The following HOMER2 variants were observed in gnomAD, a reference collection of about 807,000 sequenced individuals.
The protein encoded by HOMER2 is homer protein homolog 2.
HOMER2 carries 27 observed loss-of-function variants against 47.0 expected under a neutral mutation model. The observed-to-expected ratio is 0.57, with a 90% CI of 0.42 to 0.79. The LOEUF (loss-of-function observed/expected upper bound fraction) is 0.79. Ranked by LOEUF, HOMER2 falls within the 30% of genes least tolerant of loss-of-function variation. HOMER2 has a pLI of 0.00. For synonymous variants in HOMER2, 161 were observed against 163.8 expected, an observed-to-expected ratio of 0.98 and a Z score of 0.13; for missense variants, 443 against 435.0, an observed-to-expected ratio of 1.02 and a Z score of -0.16.
intron 5 of HOMER2, among the ~76,000 whole-genome samples, chr15:82,856,149 T>C (rs531751300): frequency 1.3e-5 from 2 of 152,374 alleles, no homozygotes; most frequent in East Asian, 3.8e-4. Context: ...AAAATGTTAT[T>C]ATCTGGTGAA....
intron 2 of HOMER2, among the ~76,000 whole-genome samples, chr15:82,880,805 G>T (rs1465405516): frequency 6.6e-6 from 1 of 152,156 alleles, no homozygotes; most frequent in Non-Finnish European, 1.5e-5. Context: ...AAGAAAAGAA[G>T]AGAGGCCCAG....
exon 2 of HOMER2, chr15:82,843,796 T>C (rs2051203754): frequency 6.6e-6 from 1 of 152,180 alleles, no homozygotes; most frequent in South Asian, 2.1e-4. Flanking sequence ...ATTGGGTCTG[T>C]CTTTCTGGAA....
exon 2 of HOMER2, chr15:82,837,872 T>G (rs1475542719): frequency 2.0e-5 from 3 of 152,188 alleles, no homozygotes; most frequent in Non-Finnish European, 4.4e-5. Context: ...ATTTGCTAAA[T>G]GAAAACATGA....
intron 1 of HOMER2, among the ~76,000 whole-genome samples, chr15:82,946,597 G>A (rs2054387454): frequency 6.6e-6 from 1 of 152,082 alleles, no homozygotes; most frequent in Admixed American, 6.6e-5. Context: ...TCTCAGTGAA[G>A]TCTTCTAACT....
chr15:82,946,446 C>G (rs2054384098), intron 1 of HOMER2, among the ~76,000 whole-genome samples: 1 of 152,186 alleles, frequency 6.6e-6, no homozygotes, highest in African/African-American at 2.4e-5. Context: ...AGCTTCCTTA[C>G]TATTTCTTGA....
intron 1 of HOMER2, among the ~76,000 whole-genome samples, chr15:82,947,942 T>C (rs2054418398): frequency 6.6e-6 from 1 of 152,172 alleles, no homozygotes; most frequent in Non-Finnish European, 1.5e-5. Context: ...CCTGCATGCT[T>C]ACTGGCATGC....
downstream of HOMER2, chr15:82,845,531 T>C (rs1321470372): frequency 1.3e-5 from 2 of 152,214 alleles, no homozygotes; most frequent in Non-Finnish European, 2.9e-5. Flanking sequence ...AAAGCATGCA[T>C]ATCTTTAAAA....
At chr15:82,850,974 C>T (rs903466696) in intron 8 of HOMER2, among the ~76,000 whole-genome samples, 177 bp downstream of exon 8, 29 of 152,364 alleles carry the variant, frequency 1.9e-4, no homozygotes, top group African/African-American at 5.5e-4. Context: ...GAGTCTGCCC[C>T]GGGGGCAGGG....
At chr15:82,892,634 G>A (rs2052749448) in intron 2 of HOMER2, 51 bp downstream of exon 2, 7 of 1,397,234 alleles carry the variant, frequency 5.0e-6, no homozygotes, top group Non-Finnish European at 6.7e-6. Context: ...GGTGCATCTT[G>A]GATGAAAGAT....
intron 1 of HOMER2, among the ~76,000 whole-genome samples, chr15:82,905,794 C>A (rs181655704): frequency 3.3e-5 from 5 of 152,146 alleles, no homozygotes; most frequent in Admixed American, 2.6e-4. Context: ...TGCCAATAGA[C>A]CTGCCTTACA....
chr15:82,903,211 G>A (rs757534110), intron 1 of HOMER2, among the ~76,000 whole-genome samples: 2 of 152,178 alleles, frequency 1.3e-5, no homozygotes, highest in Non-Finnish European at 2.9e-5. Flanking sequence ...GCCTAGAGCG[G>A]TAGGGACCGA....
chr15:82,870,317 G>C (rs1189212177), intron 3 of HOMER2, among the ~76,000 whole-genome samples: 1 of 152,116 alleles, frequency 6.6e-6, no homozygotes, highest in East Asian at 1.9e-4. Flanking sequence ...AATGGGCTAG[G>C]GACCCAGCAT....
At chr15:82,935,239 C>A (rs529003377) in intron 1 of HOMER2, among the ~76,000 whole-genome samples, 1 of 152,314 alleles carries the variant, frequency 6.6e-6, no homozygotes, top group East Asian at 1.9e-4. Context: ...CCCTGCTCCC[C>A]AGCCTCGCAC....
At chr15:82,864,811 C>T (rs2051912922) in intron 3 of HOMER2, among the ~76,000 whole-genome samples, 1 of 152,216 alleles carries the variant, frequency 6.6e-6, no homozygotes, top group African/African-American at 2.4e-5. Context: ...AACAGTTCTT[C>T]AAGTCCTGGG....
intron 2 of HOMER2, among the ~76,000 whole-genome samples, chr15:82,881,536 C>A (rs575629225): frequency 6.6e-6 from 1 of 152,120 alleles, no homozygotes; most frequent in Non-Finnish European, 1.5e-5. Context: ...TCACAGACAG[C>A]GAAGAAAAGA....
rs773800705 is a variant in HOMER2, at chr15:82,852,259, T to C, written c.652-7A>G. 3.7e-6 allele frequency: 6 copies of C among 1,601,348 alleles called. No homozygotes were observed. In the African/African-American group the frequency reaches 8.0e-5, roughly 21 times the overall value. ...GTTCTTCCAGCTCATCAATCTTCAA[T>C]ACACACCACACAGGAAAGCAGGGAC... On this transcript the variant is annotated splice_region_variant and splice_polypyrimidine_tract_variant and intron_variant, in intron 6 of 8. Transcript: ENST00000450735.
At chr15:82,907,615 G>A (rs2053326931) in intron 1 of HOMER2, among the ~76,000 whole-genome samples, 3 of 152,128 alleles carry the variant, frequency 2.0e-5, no homozygotes, top group Non-Finnish European at 2.9e-5. Flanking sequence ...TCAACATCAC[G>A]ACATCAACCA....
upstream of HOMER2, among the ~76,000 whole-genome samples, chr15:82,957,191 C>T (rs2151248154): frequency 6.6e-6 from 1 of 151,900 alleles, no homozygotes. Context: ...GCAGGAGAAT[C>T]ACTTGAACCC....
At chr15:82,921,608 T>C (rs750183860) in intron 1 of HOMER2, among the ~76,000 whole-genome samples, 8 of 152,218 alleles carry the variant, frequency 5.3e-5, no homozygotes, top group Non-Finnish European at 1.0e-4. Context: ...AGTGTCCCTG[T>C]GGCAGGAGTA....
Sources: gnomAD v4.1 joint callset for allele counts (sites outside exome capture counted in the v4.1 genomes callset) on GRCh38, gnomAD v4.1.1 for gene constraint, MANE v1.5 for transcripts, NCBI Gene and HGNC (gene_info 2026-07-23, HGNC 2026-07-21) for gene names.